Variants in FAF1 observed in about 807,000 individuals in gnomAD.
The protein encoded by FAF1 is FAS-associated factor 1.
FAF1 carries 25 observed loss-of-function variants against 92.5 expected under a neutral mutation model. The ratio of observed to expected loss-of-function variants is 0.27; its 90% confidence interval spans 0.20 to 0.38. FAF1 has a LOEUF of 0.38. Among genes scored for constraint, FAF1 ranks in the 10% least tolerant of loss-of-function variants. The pLI, the probability that FAF1 is intolerant of heterozygous loss-of-function variation, is 1.00. For missense variants in FAF1, 636 were observed against 793.3 expected, an observed-to-expected ratio of 0.80 and a Z score of 2.38; for synonymous variants, 234 against 273.2, an observed-to-expected ratio of 0.86 and a Z score of 1.42.
intron 1 of FAF1, 105 bp from the exon 2 acceptor site, chr1:50,858,102 G>C (rs1644404425): frequency 4.3e-6 from 3 of 700,960 alleles, no homozygotes; most frequent in African/African-American, 1.9e-5. Context: ...ATTCAAATAG[G>C]TATATGAATA....
At chr1:50,658,755 T>C (rs1003556718) in intron 7 of FAF1, among the ~76,000 whole-genome samples, 2 of 152,236 alleles carry the variant, frequency 1.3e-5, no homozygotes, top group Non-Finnish European at 2.9e-5. Context: ...GTAAAGCATA[T>C]TAGGCTAATG....
At chr1:50,538,158 T>C (rs1488523100) in intron 14 of FAF1, among the ~76,000 whole-genome samples, 1 of 151,372 alleles carries the variant, frequency 6.6e-6, no homozygotes, top group Non-Finnish European at 1.5e-5. Flanking sequence ...CCAGGCTACA[T>C]AAGCATAGTT....
intron 2 of FAF1, among the ~76,000 whole-genome samples, chr1:50,856,089 T>C (rs952058541): frequency 1.3e-5 from 2 of 151,864 alleles, no homozygotes; most frequent in South Asian, 2.1e-4. Flanking sequence ...TCAAAATTAG[T>C]GGACACGAAC....
intron 13 of FAF1, among the ~76,000 whole-genome samples, chr1:50,563,181 C>A (rs192543632): frequency 4.0e-4 from 61 of 152,260 alleles, no homozygotes; most frequent in Middle Eastern, 6.8e-3. Flanking sequence ...TTTGCAAGAT[C>A]TTCTTGTTTA....
intron 18 of FAF1, among the ~76,000 whole-genome samples, chr1:50,445,774 A>G (rs1327198135): frequency 6.6e-6 from 1 of 152,200 alleles, no homozygotes; most frequent in African/African-American, 2.4e-5. Context: ...ATAGTTAGAA[A>G]AGGAAAGTCA....
At chr1:50,800,178 T>C (rs1045161220) in intron 3 of FAF1, among the ~76,000 whole-genome samples, 1 of 152,172 alleles carries the variant, frequency 6.6e-6, no homozygotes, top group African/African-American at 2.4e-5. Flanking sequence ...AAAAGTATAA[T>C]CTGTGACAGG....
At chr1:50,764,620 T>C (rs986962841) in intron 4 of FAF1, among the ~76,000 whole-genome samples, 1 of 152,162 alleles carries the variant, frequency 6.6e-6, no homozygotes, top group African/African-American at 2.4e-5. Context: ...GTTTCCCATT[T>C]CTCATGAATC....
chr1:50,649,542 GA>G (rs1654759652), intron 8 of FAF1, among the ~76,000 whole-genome samples: 1 of 152,110 alleles, frequency 6.6e-6, no homozygotes, highest in Non-Finnish European at 1.5e-5. Flanking sequence ...GTAGCTTTCT[GA>G]ATCCTAACAC....
chr1:50,480,736 A>G (rs960061642), intron 17 of FAF1, among the ~76,000 whole-genome samples: 3 of 152,216 alleles, frequency 2.0e-5, no homozygotes, highest in Non-Finnish European at 2.9e-5. Flanking sequence ...CCTATTGCCT[A>G]GTATTTAGTG....
chr1:50,613,470 T>C (rs536918679), intron 8 of FAF1, among the ~76,000 whole-genome samples: 166 of 152,348 alleles, frequency 1.1e-3, no homozygotes, highest in African/African-American at 3.6e-3. Context: ...TTCTAATGTA[T>C]TTCATCTCTG....
At chr1:50,699,502 G>A (rs1657377144) in intron 7 of FAF1, among the ~76,000 whole-genome samples, 1 of 151,936 alleles carries the variant, frequency 6.6e-6, no homozygotes, top group South Asian at 2.1e-4. Flanking sequence ...TATTTTTATA[G>A]GACCATCTAG....
chr1:50,502,700 T>C (rs1383757789), intron 15 of FAF1, among the ~76,000 whole-genome samples: 1 of 152,194 alleles, frequency 6.6e-6, no homozygotes, highest in Non-Finnish European at 1.5e-5. Context: ...TCTGTTGGAA[T>C]ACTGTATTTT....
intron 1 of FAF1, among the ~76,000 whole-genome samples, chr1:50,954,671 T>C (rs1217265231): frequency 6.6e-6 from 1 of 151,262 alleles, no homozygotes; most frequent in East Asian, 1.9e-4. Flanking sequence ...CTCCCACAGC[T>C]GGGATTACAG....
intron 1 of FAF1, among the ~76,000 whole-genome samples, chr1:50,858,899 C>T (rs1361246157): frequency 2.0e-5 from 3 of 151,718 alleles, no homozygotes; most frequent in African/African-American, 7.3e-5. Flanking sequence ...TATTCTCAGG[C>T]CACCAAACCA....
At chr1:50,819,841 A>G (rs370993874) in intron 2 of FAF1, among the ~76,000 whole-genome samples, 1 of 143,396 alleles carries the variant, frequency 7.0e-6, no homozygotes, top group African/African-American at 2.6e-5. Context: ...CAGCTATTGT[A>G]TATCAGCTTC....
At chr1:50,914,021 C>T (rs1192958900) in intron 1 of FAF1, among the ~76,000 whole-genome samples, 3 of 152,166 alleles carry the variant, frequency 2.0e-5, no homozygotes, top group African/African-American at 7.2e-5. Context: ...ATATTCCACA[C>T]AACAGATCAA....
chr1:50,766,247 A>C (rs1389465114), intron 4 of FAF1, among the ~76,000 whole-genome samples: 1 of 152,230 alleles, frequency 6.6e-6, no homozygotes, highest in Non-Finnish European at 1.5e-5. Flanking sequence ...TCTTTGTTCT[A>C]TTAACATGTT....
intron 1 of FAF1, among the ~76,000 whole-genome samples, chr1:50,869,323 C>A (rs1456683719): frequency 1.3e-5 from 2 of 152,062 alleles, no homozygotes; most frequent in African/African-American, 4.8e-5. Context: ...ACATCTGCCT[C>A]TATATCAAAG....
rs1333521255 is a variant in FAF1 at position 50,628,276 on chromosome 1, T to C, written c.744+27166A>G. On this transcript the variant is annotated intron_variant, in intron 8 of 18. Coordinates refer to ENST00000396153, the MANE Select transcript of FAF1 (RefSeq NM_007051.3). ...AAGGTGATGGGGTACAGAACACAGG[T>C]GAAGAAACTTATTTTACTCAGCCTG... Among the ~76,000 whole-genome samples, 5 of 152,258 alleles carry C rather than the reference T, an allele frequency of 3.3e-5. No individual in the cohort carries two copies. The South Asian group carries it at 1.0e-3, about 32-fold the overall frequency.
Sources: allele counts gnomAD v4.1 joint callset (sites outside exome capture counted in the v4.1 genomes callset), GRCh38; gene constraint gnomAD v4.1.1; transcripts MANE v1.5; gene names NCBI Gene and HGNC (gene_info 2026-07-23, HGNC 2026-07-21).